PCBP3: variants seen among roughly 807,000 people sequenced by gnomAD.
PCBP3 encodes the protein poly(rC)-binding protein 3.
A neutral mutation model predicts 52.7 loss-of-function variants in PCBP3; 25 were observed. The ratio of observed to expected loss-of-function variants is 0.47; its 90% confidence interval spans 0.35 to 0.66. The LOEUF (loss-of-function observed/expected upper bound fraction) is 0.66, where lower values mean the gene tolerates loss of function less well. Ranked by LOEUF, PCBP3 falls within the 30% of genes least tolerant of loss-of-function variation. PCBP3 has a pLI of 0.01. For missense variants in PCBP3, 391 were observed against 490.3 expected, an observed-to-expected ratio of 0.80 and a Z score of 1.91; for synonymous variants, 162 against 183.0, an observed-to-expected ratio of 0.89 and a Z score of 0.93.
Position 45,805,389 on chromosome 21 carries a change from G to A in PCBP3, c.-125-44572G>A, listed in dbSNP as rs900197378. ...CAAGCAGGGGTTTGGCACCCCCCTT[G>A]CCCACCTGCCCTGTGTGCTGGGCCG... On this transcript the variant is annotated intron_variant, in intron 4 of 17. Transcript: ENST00000681687. This position sits in a 1 kb window ranked among gnomAD's most constrained non-coding sequence, Gnocchi z 4.6. Among the ~76,000 whole-genome samples, 2 of 152,036 alleles carry A rather than the reference G, an allele frequency of 1.3e-5. No individual in the cohort carries two copies. Among genetic ancestry groups the A allele is most frequent in the African/African-American group, 4.8e-5 (2 of 41,400 alleles).
At chr21:45,730,151 T>C (rs755296874) in intron 2 of PCBP3, among the ~76,000 whole-genome samples, 1 of 151,926 alleles carries the variant, frequency 6.6e-6, no homozygotes, top group Non-Finnish European at 1.5e-5. Context: ...TTCCCTAATA[T>C]AATCATTTAG....
intron 2 of PCBP3, among the ~76,000 whole-genome samples, chr21:45,685,064 C>T (rs1051997301): frequency 6.6e-6 from 1 of 152,144 alleles, no homozygotes; most frequent in African/African-American, 2.4e-5. Context: ...GTATTACAAA[C>T]CATCATCCTA....
At chr21:45,792,246 G>A (rs1193142681) in intron 4 of PCBP3, among the ~76,000 whole-genome samples, 1 of 152,278 alleles carries the variant, frequency 6.6e-6, no homozygotes, top group Admixed American at 6.5e-5. Context: ...TGTGCAGGTG[G>A]CAGCAACCCG....
chr21:45,936,800 A>C (rs993310042), intron 16 of PCBP3, among the ~76,000 whole-genome samples: 4 of 152,186 alleles, frequency 2.6e-5, no homozygotes, highest in African/African-American at 9.7e-5. Flanking sequence ...GAGTTGGTCA[A>C]CCTGTTTCCT....
At chr21:45,677,971 T>C (rs1262205721) in intron 2 of PCBP3, among the ~76,000 whole-genome samples, 1 of 152,254 alleles carries the variant, frequency 6.6e-6, no homozygotes, top group Non-Finnish European at 1.5e-5. Flanking sequence ...GCTGTTTTCA[T>C]GCCCATTAAC....
At chr21:45,760,126 A>T (rs903892408) in intron 4 of PCBP3, 9 of 152,170 alleles carry the variant, frequency 5.9e-5, no homozygotes, top group Non-Finnish European at 1.3e-4. Context: ...TTATACAAAC[A>T]CAAGTGGAGA....
rs2085801963 is a variant in PCBP3, at chr21:45,735,530, G to A, written c.-162+101G>A. On this transcript the variant is annotated intron_variant, in intron 3 of 17. Transcript: ENST00000681687. The surrounding 1 kb of genome is among the most constrained non-coding windows in gnomAD (Gnocchi z 4.0). ...GAAAGTCTTGCTCTCAAGGGAAGCTGTGTGTCTCTGCTGACCCTCTGGATC... is the reference window on the plus strand; with the variant it reads ...GAAAGTCTTGCTCTCAAGGGAAGCTATGTGTCTCTGCTGACCCTCTGGATC... 6.6e-6 allele frequency: 1 copy of A among 152,224 alleles called. No individual in the cohort carries two copies. Among genetic ancestry groups the A allele is most frequent in the Non-Finnish European group, 1.5e-5 (1 of 68,052 alleles). The allele number at this position is 152,224 out of a possible 1,614,324, so 9.4% of individuals were successfully genotyped here.
rs749032731 is a variant in PCBP3 at position 45,784,426 on chromosome 21, CTCCTACCT to C, written c.-126+28975_-126+28982del. 4.4e-3 allele frequency among the ~76,000 whole-genome samples: 370 copies of C among 84,232 alleles called. 3 individuals are homozygous for C. Among genetic ancestry groups the C allele is most frequent in the African/African-American group, 0.013 (226 of 17,100 alleles). The allele number at this position is 84,232 out of a possible 152,430, so 55.3% of individuals were successfully genotyped here. A position where few individuals can be genotyped will look rare whatever the true frequency, so the allele number is the denominator to read the frequency against. ...CCTCTACCGCTACCGCTACCCCTAC[CTCCTACCT>C]CCTACCTCCTACCTCCTACCTCCTA... On this transcript the variant is annotated intron_variant, in intron 4 of 17. Coordinates refer to ENST00000681687, the MANE Select transcript of PCBP3 (RefSeq NM_001384156.1).
At chr21:45,902,728 G>A (rs2096093464) in intron 9 of PCBP3, among the ~76,000 whole-genome samples, 1 of 152,240 alleles carries the variant, frequency 6.6e-6, no homozygotes. Context: ...TAGGGTGCTG[G>A]GCAGCCCGCT....
rs950893191 is a variant in PCBP3 at position 45,830,202 on chromosome 21, A to T, written c.-125-19759A>T. On this transcript the variant is annotated intron_variant, in intron 4 of 17. Coordinates refer to ENST00000681687, the MANE Select transcript of PCBP3 (RefSeq NM_001384156.1). This position sits in a 1 kb window ranked among gnomAD's most constrained non-coding sequence, Gnocchi z 4.4. Reference sequence around the variant, plus strand: ...GGCAAATGGCCCCTCTGTGCCCCATAGCCTCGTCCTAACATACGTGCAAAT... The same window carrying T: ...GGCAAATGGCCCCTCTGTGCCCCATTGCCTCGTCCTAACATACGTGCAAAT... 5 of 152,806 alleles carry T rather than the reference A, an allele frequency of 3.3e-5. No individual in the cohort carries two copies. The highest frequency in any genetic ancestry group is 5.9e-5 in the Non-Finnish European group (4 of 68,148). 9.5% of individuals were successfully genotyped at this position (152,806 alleles called of 1,614,324 possible).
intron 2 of PCBP3, among the ~76,000 whole-genome samples, chr21:45,680,827 G>T (rs538905928): frequency 1.3e-5 from 2 of 152,126 alleles, no homozygotes; most frequent in African/African-American, 4.8e-5. Flanking sequence ...TTGTGTAGAT[G>T]ATATTTATCA....
chr21:45,817,870 A>G lies in PCBP3; in HGVS notation c.-125-32091A>G, dbSNP rs898539865. Among the ~76,000 whole-genome samples, 1 of 152,210 alleles carries G rather than the reference A, an allele frequency of 6.6e-6. No homozygotes were observed. The highest frequency in any genetic ancestry group is 1.5e-5 in the Non-Finnish European group (1 of 68,040). On this transcript the variant is annotated intron_variant, in intron 4 of 17. Coordinates refer to ENST00000681687, the MANE Select transcript of PCBP3 (RefSeq NM_001384156.1). The surrounding 1 kb of genome is among the most constrained non-coding windows in gnomAD (Gnocchi z 4.3). The stretch of plus-strand genomic sequence containing the variant: ...GATTTATTTCACTTTTGAAAAGTTA[A>G]TAGTCTTTATGTTTTAGGGCAATTG...
intron 2 of PCBP3, among the ~76,000 whole-genome samples, chr21:45,695,284 G>A (rs1339413642): frequency 6.6e-6 from 1 of 152,194 alleles, no homozygotes; most frequent in African/African-American, 2.4e-5. Flanking sequence ...TGTCAGCAGA[G>A]GGTGCTGGAG....
chr21:45,692,369 A>G (rs148390520), intron 2 of PCBP3, among the ~76,000 whole-genome samples: 3 of 152,226 alleles, frequency 2.0e-5, no homozygotes, highest in Middle Eastern at 3.4e-3. Context: ...AACAGAATCT[A>G]TGAGCTCATA....
At chr21:45,784,095 A>T (rs904690313) in intron 4 of PCBP3, among the ~76,000 whole-genome samples, 5 of 152,328 alleles carry the variant, frequency 3.3e-5, no homozygotes, top group African/African-American at 1.2e-4. Flanking sequence ...GTCTACCTTG[A>T]CAGGGATGTA....
chr21:45,749,812 A>G (rs2087253263), intron 3 of PCBP3: 1 of 152,254 alleles, frequency 6.6e-6, no homozygotes, highest in African/African-American at 2.4e-5. Context: ...ACCCGTCTAG[A>G]TGCTGCACCC....
At chr21:45,933,750 C>G (rs979091954) in intron 15 of PCBP3, among the ~76,000 whole-genome samples, 2 of 152,108 alleles carry the variant, frequency 1.3e-5, no homozygotes, top group African/African-American at 4.8e-5. Flanking sequence ...GACGGTCCCA[C>G]AGGACCACGT....
intron 4 of PCBP3, among the ~76,000 whole-genome samples, chr21:45,813,891 A>G (rs1354091547): frequency 2.0e-5 from 3 of 152,192 alleles, no homozygotes. Flanking sequence ...TATGTGCAGT[A>G]TTTTTTGTTT....
At chr21:45,900,087 C>T (rs2095987484) in intron 7 of PCBP3, among the ~76,000 whole-genome samples, 1 of 152,212 alleles carries the variant, frequency 6.6e-6, no homozygotes, top group Non-Finnish European at 1.5e-5. Flanking sequence ...GCAGTGAGGG[C>T]CACCTCCCTG....
Sources: gnomAD v4.1 joint callset for allele counts (sites outside exome capture counted in the v4.1 genomes callset) on GRCh38, gnomAD v4.1.1 for gene constraint, Gnocchi (gnomAD v3.1) non-coding constraint, MANE v1.5 for transcripts, NCBI Gene and HGNC (gene_info 2026-07-23, HGNC 2026-07-21) for gene names.